GSK3B: variants seen among roughly 807,000 people sequenced by gnomAD.
GSK3B encodes the protein glycogen synthase kinase 3 beta.
In GSK3B, 15 loss-of-function variants were observed where a neutral mutation model predicts 56.4. The ratio of observed to expected loss-of-function variants is 0.27; its 90% CI spans 0.18 to 0.41. GSK3B has a LOEUF of 0.41. Among genes scored for constraint, GSK3B ranks in the 10% least tolerant of loss-of-function variants. The pLI is 1.00. For missense variants in GSK3B, 300 were observed against 513.4 expected (o/e 0.58, Z 4.02); for synonymous variants, 181 against 188.9 (o/e 0.96, Z 0.34).
At chr3:119,981,285 A>G (rs2057459291) in intron 2 of GSK3B, among the ~76,000 whole-genome samples, 1 of 152,240 alleles carries the variant, frequency 6.6e-6, no homozygotes, top group Non-Finnish European at 1.5e-5. Context: ...TGATCGACGC[A>G]GAAGACGGCT....
At chr3:119,968,292 T>C (rs1316398270) in intron 2 of GSK3B, among the ~76,000 whole-genome samples, 2 of 152,222 alleles carry the variant, frequency 1.3e-5, no homozygotes, top group African/African-American at 4.8e-5. Flanking sequence ...ACACCCAGCC[T>C]GGACCACTTC....
At chr3:119,865,562 C>T (rs1363836320) in intron 8 of GSK3B, among the ~76,000 whole-genome samples, 2 of 146,192 alleles carry the variant, frequency 1.4e-5, no homozygotes, top group Non-Finnish European at 3.0e-5. Flanking sequence ...CTCTGCCTCC[C>T]GGGTTCATGC....
chr3:120,050,558 G>C (rs929404301), intron 1 of GSK3B, among the ~76,000 whole-genome samples: 1 of 152,184 alleles, frequency 6.6e-6, no homozygotes, highest in Non-Finnish European at 1.5e-5. Flanking sequence ...GGAGAACTAG[G>C]TGTAAGGAGG....
At chr3:119,894,990 C>A (rs1474065136) in intron 7 of GSK3B, among the ~76,000 whole-genome samples, 2 of 152,092 alleles carry the variant, frequency 1.3e-5, no homozygotes, top group Non-Finnish European at 2.9e-5. Context: ...TGTGGAATAA[C>A]AGAATCAGAC....
intron 8 of GSK3B, among the ~76,000 whole-genome samples, chr3:119,871,268 T>C (rs1381680267): frequency 6.6e-6 from 1 of 152,234 alleles, no homozygotes; most frequent in Admixed American, 6.5e-5. Context: ...GAAACACTAG[T>C]ATTGATTCAC....
intron 2 of GSK3B, among the ~76,000 whole-genome samples, chr3:119,981,724 A>G (rs1055023122): frequency 2.6e-5 from 4 of 152,222 alleles, no homozygotes; most frequent in African/African-American, 9.7e-5. Context: ...CCACAGCTCA[A>G]CAACACCTAC....
intron 1 of GSK3B, among the ~76,000 whole-genome samples, chr3:120,022,569 G>C (rs2057888713): frequency 6.6e-6 from 1 of 152,158 alleles, no homozygotes; most frequent in Admixed American, 6.5e-5. Context: ...ACAAAAGAGA[G>C]AGAGAGAGGA....
chr3:120,060,493 G>A (rs974302617), intron 1 of GSK3B, among the ~76,000 whole-genome samples: 1 of 152,052 alleles, frequency 6.6e-6, no homozygotes, highest in Non-Finnish European at 1.5e-5. Flanking sequence ...TTAGGGAGCC[G>A]AGGCGGGAGA....
chr3:119,860,342 T>C (rs1354447391), intron 9 of GSK3B, among the ~76,000 whole-genome samples: 1 of 152,232 alleles, frequency 6.6e-6, no homozygotes, highest in Non-Finnish European at 1.5e-5. Context: ...CAAAGGTTTA[T>C]TCCAATTTCC....
In GSK3B at chr3:119,822,208, G is replaced by C. The variant is rs1234610135; in HGVS notation, c.*4580C>G. 5.5e-6 allele frequency: 1 copy of C among 182,456 alleles called. No individual in the cohort carries two copies. Among genetic ancestry groups the C allele is most frequent in the East Asian group, 8.9e-5 (1 of 11,216 alleles). 11.3% of individuals were successfully genotyped at this position (182,456 alleles called of 1,614,324 possible). A position where few individuals can be genotyped will look rare whatever the true frequency, so the allele number is the denominator to read the frequency against. ...TTTATATCAAGACAGATTTGCACAAGTGTTTGCAATAGTTTGTATACAACC... is the reference window on the plus strand; with the variant it reads ...TTTATATCAAGACAGATTTGCACAACTGTTTGCAATAGTTTGTATACAACC... On this transcript the variant is annotated 3_prime_UTR_variant, in exon 11 of 11. Coordinates refer to ENST00000264235, the MANE Select transcript of GSK3B (RefSeq NM_001146156.2).
chr3:120,055,852 G>A (rs76083426), intron 1 of GSK3B, among the ~76,000 whole-genome samples: 16 of 152,038 alleles, frequency 1.1e-4, no homozygotes, highest in Non-Finnish European at 1.6e-4. Context: ...GAATTTATTC[G>A]GAATTTAAAT....
chr3:119,975,085 C>T (rs567808453), intron 2 of GSK3B, among the ~76,000 whole-genome samples: 6 of 152,196 alleles, frequency 3.9e-5, no homozygotes, highest in African/African-American at 9.6e-5. Context: ...CAAGATGTCC[C>T]GCAACAGGTA....
intron 2 of GSK3B, among the ~76,000 whole-genome samples, chr3:119,973,621 G>A (rs1234436636): frequency 6.6e-6 from 1 of 152,136 alleles, no homozygotes; most frequent in East Asian, 1.9e-4. Context: ...AAGAAGGGTG[G>A]TTACAGCACA....
chr3:119,953,405 A>G (rs1444882485), intron 2 of GSK3B, among the ~76,000 whole-genome samples: 1 of 152,208 alleles, frequency 6.6e-6, no homozygotes, highest in Non-Finnish European at 1.5e-5. Context: ...ATATAAAAAG[A>G]AAGCTGCAAC....
intron 7 of GSK3B, 124 bp from the exon 8 acceptor site, chr3:119,876,632 A>C: frequency 4.7e-6 from 3 of 635,286 alleles, no homozygotes; most frequent in African/African-American, 1.8e-5. Flanking sequence ...GTAACTCATT[A>C]AATAGAGCAG....
chr3:119,965,057 T>TA (rs1559856002), intron 2 of GSK3B, among the ~76,000 whole-genome samples: 1 of 121,536 alleles, frequency 8.2e-6, no homozygotes, highest in Non-Finnish European at 1.7e-5. Context: ...TTTTTTTTTT[T>TA]AATTTTTTTT....
intron 2 of GSK3B, among the ~76,000 whole-genome samples, chr3:119,950,228 T>C (rs924030668): frequency 6.6e-6 from 1 of 152,244 alleles, no homozygotes; most frequent in Non-Finnish European, 1.5e-5. Context: ...GAAGCAAGTA[T>C]AAGGACCTAA....
chr3:120,015,649 CAAAAAAAAA>C (rs61520236), intron 1 of GSK3B, among the ~76,000 whole-genome samples: 4 of 46,948 alleles, frequency 8.5e-5, no homozygotes, highest in African/African-American at 1.4e-4. Flanking sequence ...GACTCTGTCT[CAAAAAAAAA>C]AAAAAAAAAA....
chr3:119,949,455 A>G (rs2057132595), intron 2 of GSK3B, among the ~76,000 whole-genome samples: 1 of 152,142 alleles, frequency 6.6e-6, no homozygotes, highest in African/African-American at 2.4e-5. Flanking sequence ...GTAAAAACCT[A>G]GTAGTGGTGG....
Sources: gnomAD v4.1 joint callset for allele counts (sites outside exome capture counted in the v4.1 genomes callset) on GRCh38, gnomAD v4.1.1 for gene constraint, MANE v1.5 for transcripts, NCBI Gene and HGNC (gene_info 2026-07-23, HGNC 2026-07-21) for gene names.